Variants in CADM2 observed in about 807,000 individuals in gnomAD.
CADM2 encodes immunoglobulin superfamily member 4D.
CADM2 carries 12 observed loss-of-function variants against 49.8 expected under a neutral mutation model. The ratio of observed to expected loss-of-function variants is 0.24; its 90% confidence interval spans 0.15 to 0.39. The LOEUF is 0.39. Ranked by LOEUF, CADM2 falls within the 10% of genes least tolerant of loss-of-function variation. The pLI is 1.00. For missense variants in CADM2, 378 were observed against 492.3 expected (o/e 0.77, Z 2.20); for synonymous variants, 214 against 175.4 (o/e 1.22, Z -1.74).
intron 1 of CADM2, among the ~76,000 whole-genome samples, chr3:85,440,382 T>C (rs1490975344): frequency 6.6e-6 from 1 of 152,182 alleles, no homozygotes; most frequent in Non-Finnish European, 1.5e-5. Context: ...GTAAAGTTAG[T>C]AGGTTGAACT....
chr3:85,452,280 G>T (rs900988316), intron 1 of CADM2, among the ~76,000 whole-genome samples: 9 of 151,972 alleles, frequency 5.9e-5, no homozygotes, highest in Admixed American at 3.9e-4. Flanking sequence ...GGTAGAATGA[G>T]GATTGGTACC....
chr3:85,691,939 C>T (rs2066401151), intron 1 of CADM2, among the ~76,000 whole-genome samples: 1 of 151,742 alleles, frequency 6.6e-6, no homozygotes, highest in Non-Finnish European at 1.5e-5. Context: ...AACACATGGA[C>T]ACAGGAAGGG....
chr3:85,580,349 A>T (rs958408393), intron 1 of CADM2, among the ~76,000 whole-genome samples: 18 of 152,170 alleles, frequency 1.2e-4, no homozygotes, highest in African/African-American at 4.3e-4. Context: ...TAAGAAGAAG[A>T]AATAACCTTT....
At chr3:85,997,097 C>T (rs756706898) in intron 8 of CADM2, among the ~76,000 whole-genome samples, 1 of 152,182 alleles carries the variant, frequency 6.6e-6, no homozygotes, top group Non-Finnish European at 1.5e-5. Flanking sequence ...ACTTTCATCT[C>T]TCCGTGCAGT....
intron 3 of CADM2, among the ~76,000 whole-genome samples, chr3:85,851,148 T>G (rs2075092845): frequency 6.6e-6 from 1 of 152,176 alleles, no homozygotes. Context: ...ATTGTGTAGT[T>G]TAAAATAAAC....
Position 85,961,654 on chromosome 3 carries a change from A to C in CADM2, c.970+7A>C. 1 of 1,520,968 alleles carries C rather than the reference A, an allele frequency of 6.6e-7. No homozygotes were observed. Among genetic ancestry groups the C allele is most frequent in the South Asian group, 1.3e-5 (1 of 77,422 alleles). The allele number at this position is 1,520,968 out of a possible 1,614,324, so 94.2% of individuals were successfully genotyped here. On this transcript the variant is annotated splice_region_variant and intron_variant, in intron 8 of 9. Transcript: ENST00000383699. ...TATGTTCTCATTGTGCATGGTGAGT[A>C]AATTTTGGAAAACATTATATGTGAA...
intron 1 of CADM2, among the ~76,000 whole-genome samples, chr3:85,339,480 A>C (rs1282654924): frequency 6.6e-6 from 1 of 151,496 alleles, no homozygotes; most frequent in African/African-American, 2.4e-5. Context: ...CAAAGAAATA[A>C]ACTTTATGTG....
At position 85,573,562 on chromosome 3, in the gene CADM2, T is replaced by C. The variant is rs566048701; in HGVS notation, c.62-152960T>C. Among the ~76,000 whole-genome samples, 3 of 152,318 alleles carry C rather than the reference T, an allele frequency of 2.0e-5. No individual in the cohort carries two copies. In the South Asian group the frequency reaches 6.2e-4, roughly 32 times the overall value. Reference sequence around the variant, plus strand: ...TCTATTAACTACTATCAGTGTAACATTGTAAAAGGCACTGAATTAAAACCT... The same window carrying C: ...TCTATTAACTACTATCAGTGTAACACTGTAAAAGGCACTGAATTAAAACCT... On this transcript the variant is annotated intron_variant, in intron 1 of 9. Coordinates refer to ENST00000383699, the MANE Select transcript of CADM2 (RefSeq NM_001167675.2).
At chr3:85,330,342 T>C (rs981733171) in intron 1 of CADM2, among the ~76,000 whole-genome samples, 1 of 152,116 alleles carries the variant, frequency 6.6e-6, no homozygotes, top group Non-Finnish European at 1.5e-5. Context: ...ACCATTAATA[T>C]CACACTTTTT....
intron 1 of CADM2, among the ~76,000 whole-genome samples, chr3:85,654,104 G>A (rs2065130056): frequency 1.3e-5 from 2 of 152,138 alleles, no homozygotes; most frequent in Non-Finnish European, 1.5e-5. Context: ...GAATGGGAGT[G>A]GATAAATTGA....
intron 1 of CADM2, among the ~76,000 whole-genome samples, chr3:85,259,171 G>A (rs1330876700): frequency 6.6e-6 from 1 of 152,108 alleles, no homozygotes; most frequent in East Asian, 1.9e-4. Flanking sequence ...TTAGTAAATA[G>A]CAATCACAGT....
chr3:85,621,091 G>T (rs954082201), intron 1 of CADM2, among the ~76,000 whole-genome samples: 1 of 152,110 alleles, frequency 6.6e-6, no homozygotes, highest in Non-Finnish European at 1.5e-5. Context: ...TACAATGGAA[G>T]TATAGTCATA....
chr3:85,275,388 A>T (rs1287640653), intron 1 of CADM2, among the ~76,000 whole-genome samples: 1 of 151,464 alleles, frequency 6.6e-6, no homozygotes, highest in African/African-American at 2.4e-5. Context: ...CCCGCTGTTT[A>T]TGATTCATTG....
At chr3:85,102,634 A>T (rs1405994699) in intron 1 of CADM2, among the ~76,000 whole-genome samples, 15 of 152,210 alleles carry the variant, frequency 9.9e-5, no homozygotes, top group African/African-American at 2.9e-4. Flanking sequence ...AAACATGCTG[A>T]TTTCTCACAC....
Position 85,203,589 on chromosome 3 carries a change from T to G in CADM2, c.61+243921T>G, listed in dbSNP as rs558469550. On this transcript the variant is annotated intron_variant, in intron 1 of 9. Coordinates refer to ENST00000383699, the MANE Select transcript of CADM2 (RefSeq NM_001167675.2). The stretch of plus-strand genomic sequence containing the variant: ...GAAATACTGTGAAAAAATACCGAAT[T>G]GGGACAAAGATATGAAGTGAGCATA... Among the ~76,000 whole-genome samples, 3 of 152,136 alleles carry G rather than the reference T, an allele frequency of 2.0e-5. No homozygotes were observed. In the South Asian group the frequency reaches 6.2e-4, roughly 32 times the overall value.
chr3:85,971,051 T>G (rs1011446386), intron 8 of CADM2, among the ~76,000 whole-genome samples: 1 of 151,616 alleles, frequency 6.6e-6, no homozygotes, highest in African/African-American at 2.4e-5. Context: ...AAAAAGTGAT[T>G]TTTGTATTCT....
At chr3:85,595,373 C>A (rs896176389) in intron 1 of CADM2, among the ~76,000 whole-genome samples, 1 of 151,994 alleles carries the variant, frequency 6.6e-6, no homozygotes, top group Admixed American at 6.6e-5. Flanking sequence ...AAGAACATGG[C>A]TAGACTGGCA....
intron 1 of CADM2, among the ~76,000 whole-genome samples, chr3:85,202,459 T>A (rs551472280): frequency 2.6e-5 from 4 of 152,286 alleles, no homozygotes; most frequent in African/African-American, 9.6e-5. Flanking sequence ...CTTAGGTGAC[T>A]AAGGGTATTG....
intron 1 of CADM2, among the ~76,000 whole-genome samples, chr3:85,011,337 T>G (rs1450902348): frequency 1.3e-5 from 2 of 151,828 alleles, no homozygotes; most frequent in East Asian, 1.9e-4. Context: ...TATTCATATT[T>G]ATTTAGATAG....
Sources: allele counts gnomAD v4.1 joint callset (sites outside exome capture counted in the v4.1 genomes callset), GRCh38; gene constraint gnomAD v4.1.1; transcripts MANE v1.5; gene names NCBI Gene and HGNC (gene_info 2026-07-23, HGNC 2026-07-21).